The following SIPA1L1 variants were observed in gnomAD, a reference collection of about 807,000 sequenced individuals.
SIPA1L1 encodes the protein signal induced proliferation associated 1 like 1.
Under a neutral mutation model 162.7 loss-of-function variants are expected in SIPA1L1, and 26 were observed. The ratio of observed to expected loss-of-function variants is 0.16; its 90% CI spans 0.12 to 0.22. The LOEUF is 0.22. SIPA1L1 is among the 10% of genes least tolerant of loss of function. The pLI is 1.00. For missense variants in SIPA1L1, 1,874 were observed against 2,241.0 expected, an observed-to-expected ratio of 0.84 and a Z score of 3.31; for synonymous variants, 829 against 837.4, an observed-to-expected ratio of 0.99 and a Z score of 0.17.
chr14:71,610,241 AT>A (rs559562430), intron 5 of SIPA1L1, among the ~76,000 whole-genome samples: 4 of 152,270 alleles, frequency 2.6e-5, no homozygotes, highest in East Asian at 1.9e-4. Flanking sequence ...ATAAAGATGC[AT>A]TTTTTTCAGT....
intron 2 of SIPA1L1, among the ~76,000 whole-genome samples, chr14:71,488,972 G>T (rs910940001): frequency 2.6e-5 from 4 of 152,260 alleles, no homozygotes; most frequent in Admixed American, 6.5e-5. Flanking sequence ...CTGCAGGATG[G>T]CTCCTTGTTC....
At chr14:71,482,592 C>A (rs1318757552) in intron 2 of SIPA1L1, among the ~76,000 whole-genome samples, 1 of 152,122 alleles carries the variant, frequency 6.6e-6, no homozygotes, top group African/African-American at 2.4e-5. Context: ...TAAATCTGTG[C>A]CGGGGACCAA....
intron 2 of SIPA1L1, among the ~76,000 whole-genome samples, chr14:71,422,400 T>C (rs148363511): frequency 1.7e-3 from 260 of 152,358 alleles, no homozygotes; most frequent in Non-Finnish European, 2.5e-3. Context: ...GTTGTCCAGC[T>C]GTCACCACCA....
At chr14:71,687,436 C>T (rs2080952966) in intron 13 of SIPA1L1, among the ~76,000 whole-genome samples, 1 of 152,188 alleles carries the variant, frequency 6.6e-6, no homozygotes, top group African/African-American at 2.4e-5. Context: ...AGGACCTTTT[C>T]CCCCACCTCA....
intron 2 of SIPA1L1, among the ~76,000 whole-genome samples, chr14:71,396,295 T>C (rs759380169): frequency 6.6e-6 from 1 of 152,194 alleles, no homozygotes; most frequent in African/African-American, 2.4e-5. Flanking sequence ...AAAGACTTTT[T>C]ATATAGTGAG....
At chr14:71,733,532 A>G in intron 20 of SIPA1L1, 134 bp from the exon 21 acceptor site, 3 of 898,148 alleles carry the variant, frequency 3.3e-6, no homozygotes, top group Non-Finnish European at 5.1e-6. Flanking sequence ...AATAGCCACT[A>G]ACAGCCTGCT....
chr14:71,562,120 AAT>A (rs1567209675), intron 4 of SIPA1L1, among the ~76,000 whole-genome samples: 1 of 151,830 alleles, frequency 6.6e-6, no homozygotes, highest in Admixed American at 6.6e-5. Context: ...TTTTATTCAT[AAT>A]ATATATACTA....
At chr14:71,614,006 A>G (rs2038526712) in intron 5 of SIPA1L1, among the ~76,000 whole-genome samples, 1 of 152,110 alleles carries the variant, frequency 6.6e-6, no homozygotes, top group Non-Finnish European at 1.5e-5. Context: ...GTTTGAGACC[A>G]GCCTGGCCAA....
intron 2 of SIPA1L1, among the ~76,000 whole-genome samples, chr14:71,357,549 G>C (rs2037392205): frequency 6.6e-6 from 1 of 152,132 alleles, no homozygotes; most frequent in African/African-American, 2.4e-5. Context: ...GGAGTTGTTG[G>C]TTGATAACAC....
At chr14:71,460,426 C>T (rs1595575182) in intron 2 of SIPA1L1, among the ~76,000 whole-genome samples, 2 of 152,300 alleles carry the variant, frequency 1.3e-5, no homozygotes, top group Admixed American at 6.5e-5. Flanking sequence ...AATGGATCTC[C>T]TGTATTCCTT....
At chr14:71,495,256 A>G (rs2049646238) in intron 2 of SIPA1L1, among the ~76,000 whole-genome samples, 2 of 151,598 alleles carry the variant, frequency 1.3e-5, no homozygotes, top group Admixed American at 1.3e-4. Context: ...TAGTCCTGGT[A>G]TTTTCTTTTT....
intron 4 of SIPA1L1, among the ~76,000 whole-genome samples, chr14:71,531,438 G>C (rs2053438224): frequency 6.6e-6 from 1 of 151,960 alleles, no homozygotes; most frequent in Non-Finnish European, 1.5e-5. Flanking sequence ...CAGTCATCTG[G>C]GAGCCTCCTT....
At position 71,705,276 on chromosome 14, in the gene SIPA1L1, G is replaced by A; in HGVS notation, c.3701G>A (p.Ser1234Asn). 3 of 1,614,162 alleles carry A rather than the reference G, an allele frequency of 1.9e-6. No individual in the cohort carries two copies. The highest frequency in any genetic ancestry group is 2.5e-6 in the Non-Finnish European group (3 of 1,179,998). ...VSKVLPAFRESPSGRLMRQDP... is the reference protein window; with the variant it reads ...VSKVLPAFRENPSGRLMRQDP... ...AAGGTACTGCCAGCTTTCCGAGAGA[G>A]CCCCAGTGGGAGATTAATGCGGCAG... The change falls in exon 16 of 24, where the codon AGC (serine) becomes AAC (asparagine). Residue 1234 changes from serine to asparagine, a missense_variant. Transcript: ENST00000381232.
At chr14:71,488,182 A>G (rs1025706832) in intron 2 of SIPA1L1, among the ~76,000 whole-genome samples, 1 of 152,210 alleles carries the variant, frequency 6.6e-6, no homozygotes, top group Non-Finnish European at 1.5e-5. Flanking sequence ...CTACTGGCTA[A>G]TGAGAGAAGG....
At chr14:71,655,919 T>A (rs1169002422) in intron 8 of SIPA1L1, among the ~76,000 whole-genome samples, 2 of 152,202 alleles carry the variant, frequency 1.3e-5, no homozygotes, top group Non-Finnish European at 2.9e-5. Context: ...TTCTGTAGGT[T>A]GTCTGTTTAC....
At chr14:71,396,636 A>T (rs1054753298) in intron 2 of SIPA1L1, among the ~76,000 whole-genome samples, 1 of 152,140 alleles carries the variant, frequency 6.6e-6, no homozygotes, top group South Asian at 2.1e-4. Flanking sequence ...AACTGATACA[A>T]TTTTTTGGTA....
chr14:71,381,322 G>T (rs2039883042), intron 2 of SIPA1L1, among the ~76,000 whole-genome samples: 1 of 152,108 alleles, frequency 6.6e-6, no homozygotes, highest in East Asian at 1.9e-4. Flanking sequence ...AAAGTGCTGG[G>T]ATTACAGGCA....
At chr14:71,530,492 G>A (rs370717023) in intron 4 of SIPA1L1, among the ~76,000 whole-genome samples, 3 of 152,128 alleles carry the variant, frequency 2.0e-5, no homozygotes, top group African/African-American at 7.2e-5. Context: ...TCTTAGAACA[G>A]TCTATACCCT....
intron 2 of SIPA1L1, among the ~76,000 whole-genome samples, chr14:71,451,584 G>C (rs2045824241): frequency 6.8e-6 from 1 of 147,424 alleles, no homozygotes; most frequent in African/African-American, 2.5e-5. Context: ...GCAGTGAGCT[G>C]TGATTGTACC....
Sources: gnomAD v4.1 joint callset for allele counts (sites outside exome capture counted in the v4.1 genomes callset) on GRCh38, gnomAD v4.1.1 for gene constraint, MANE v1.5 for transcripts, NCBI Gene and HGNC (gene_info 2026-07-23, HGNC 2026-07-21) for gene names.